LAMA2: variants seen among roughly 807,000 people sequenced by gnomAD.
LAMA2 encodes laminin subunit alpha 2, also known as laminin subunit alpha-2.
Under a neutral mutation model 364.8 loss-of-function variants are expected in LAMA2, and 269 were observed. That is an observed-to-expected ratio of 0.74 (90% CI 0.67 to 0.82). The LOEUF is 0.82. LAMA2 is among the 40% of genes least tolerant of loss of function. LAMA2 has a pLI of 0.00. For missense variants in LAMA2, 3,807 were observed against 3,873.2 expected (o/e 0.98, Z 0.45); for synonymous variants, 1,379 against 1,370.6 (o/e 1.01, Z -0.14).
chr6:129,308,933 C>A lies in LAMA2; in HGVS notation c.3175-3928C>A, dbSNP rs903656708. Among the ~76,000 whole-genome samples, 29 of 152,270 alleles carry A rather than the reference C, an allele frequency of 1.9e-4. 1 individual carries two copies. The highest frequency in any genetic ancestry group is 6.5e-4 in the African/African-American group (27 of 41,564). Reference sequence around the variant, plus strand: ...CATGGTCACAAGGACAGCACCAAGCCCTGAGGGATCAGCCCCCATGATCCA... The same window carrying A: ...CATGGTCACAAGGACAGCACCAAGCACTGAGGGATCAGCCCCCATGATCCA... On this transcript the variant is annotated intron_variant, in intron 22 of 64. Coordinates refer to ENST00000421865, the MANE Select transcript of LAMA2 (RefSeq NM_000426.4).
intron 12 of LAMA2, among the ~76,000 whole-genome samples, chr6:129,208,671 GAAAGAGAAGGAAAGAAAGAA>G (rs1782866757): frequency 9.2e-6 from 1 of 108,278 alleles, no homozygotes; most frequent in African/African-American, 4.4e-5. Flanking sequence ...GAAAGAAAGA[GAAAGAGAAGGAAAGAAAGAA>G]AAAGGAAGGA....
In LAMA2 at chr6:128,894,864, C is replaced by T. The variant is rs1490985773; in HGVS notation, c.112+11507C>T. On this transcript the variant is annotated intron_variant, in intron 1 of 64. Coordinates refer to ENST00000421865, the MANE Select transcript of LAMA2 (RefSeq NM_000426.4). ...GCTTTTGCACCATCAGTGCACATGT[C>T]AACACAATGAAAAGGCAGATAATAA... Among the ~76,000 whole-genome samples, 6 of 152,280 alleles carry T rather than the reference C, an allele frequency of 3.9e-5. No homozygotes were observed. The East Asian group carries it at 1.2e-3, about 29-fold the overall frequency.
Position 129,449,469 on chromosome 6 carries a change from T to G in LAMA2, c.6430-3519T>G, listed in dbSNP as rs188379481. On this transcript the variant is annotated intron_variant, in intron 45 of 64. Transcript: ENST00000421865. ...TAAGCCTTTTTAATAGTGGCATCAA[T>G]TCATTCATGAGGACAGAGCCCTCAT... Among the ~76,000 whole-genome samples the G allele has an allele frequency of 6.7e-4, 102 of 152,222 alleles. No homozygotes were observed. The East Asian group carries it at 0.016, about 25-fold the overall frequency.
chr6:129,330,928 ACG>A (rs1462448132), intron 29 of LAMA2, among the ~76,000 whole-genome samples: 3 of 151,182 alleles, frequency 2.0e-5, no homozygotes, highest in Non-Finnish European at 4.4e-5. Flanking sequence ...GAGTGCAGTG[ACG>A]CGATCTCAGC....
intron 1 of LAMA2, among the ~76,000 whole-genome samples, chr6:129,026,886 A>G (rs1192571637): frequency 6.6e-6 from 1 of 152,108 alleles, no homozygotes; most frequent in Non-Finnish European, 1.5e-5. Context: ...GTTCTCAGCC[A>G]TGGTATGTAG....
At chr6:128,997,746 G>C (rs1210834501) in intron 1 of LAMA2, among the ~76,000 whole-genome samples, 1 of 152,142 alleles carries the variant, frequency 6.6e-6, no homozygotes, top group Non-Finnish European at 1.5e-5. Flanking sequence ...AGTGAGCCAA[G>C]ATTGCACCAT....
intron 36 of LAMA2, among the ~76,000 whole-genome samples, chr6:129,392,662 A>G (rs1779384561): frequency 6.6e-6 from 1 of 152,202 alleles, no homozygotes; most frequent in Non-Finnish European, 1.5e-5. Context: ...AAACATAACA[A>G]TATTCATCAT....
chr6:129,181,101 TC>T (rs1562306920), intron 10 of LAMA2, among the ~76,000 whole-genome samples: 2 of 152,196 alleles, frequency 1.3e-5, no homozygotes, highest in Admixed American at 1.3e-4. Context: ...TAGGACCGAA[TC>T]CCCAAACCTG....
At chr6:129,348,786 T>C (rs9398900) in intron 30 of LAMA2, among the ~76,000 whole-genome samples, 57,662 of 152,066 alleles carry the variant, frequency 0.38, 12,662 homozygotes, top group Non-Finnish European at 0.49. Flanking sequence ...TTAGAAAAGA[T>C]ATTATTTTAT....
At chr6:129,466,629 T>C (rs140866273) in intron 51 of LAMA2, among the ~76,000 whole-genome samples, 7 of 152,082 alleles carry the variant, frequency 4.6e-5, no homozygotes, top group Non-Finnish European at 8.8e-5. Context: ...GTAAGAAGAA[T>C]GTTTAGCTGT....
chr6:129,268,371 C>CT (rs139912563), intron 16 of LAMA2, among the ~76,000 whole-genome samples: 8,339 of 152,040 alleles, frequency 0.055, 742 homozygotes, highest in African/African-American at 0.19. Context: ...CCTTTAAACA[C>CT]TTCACTAACA....
Position 129,473,304 on chromosome 6 carries a change from C to T in LAMA2, c.7391C>T (p.Ala2464Val), listed in dbSNP as rs755746372. 11 of 1,612,400 alleles carry T rather than the reference C, an allele frequency of 6.8e-6. No individual in the cohort carries two copies. The highest frequency in any genetic ancestry group is 6.7e-5 in the East Asian group (3 of 44,778). The change falls in exon 52 of 65, where the codon GCA becomes GTA. Residue 2464 changes from alanine (A) to valine (V), a missense_variant. Coordinates refer to ENST00000421865, the MANE Select transcript of LAMA2 (RefSeq NM_000426.4). ...AACAACTTTGGTCTTGACTTGAAAG[C>T]AGATGACAAAATATATTTTGGTGGC... ...SGNNFGLDLK[A>V]DDKIYFGGLP...
At chr6:129,112,215 A>C (rs910075353) in intron 4 of LAMA2, among the ~76,000 whole-genome samples, 6 of 151,926 alleles carry the variant, frequency 3.9e-5, no homozygotes, top group Non-Finnish European at 7.4e-5. Context: ...AAAATCCTCT[A>C]TTGCTTTTTA....
intron 3 of LAMA2, among the ~76,000 whole-genome samples, chr6:129,072,205 A>T (rs1397084077): frequency 6.6e-6 from 1 of 152,212 alleles, no homozygotes; most frequent in Non-Finnish European, 1.5e-5. Context: ...TTGCAGTACT[A>T]CAAATATATC....
Position 129,492,483 on chromosome 6 carries a change from TGTAA to T in LAMA2, c.8244+3_8244+6del, listed in dbSNP as rs746678525. 1.9e-5 allele frequency: 31 copies of T among 1,603,764 alleles called. No homozygotes were observed. Among genetic ancestry groups the T allele is most frequent in the Non-Finnish European group, 2.6e-5 (30 of 1,171,580 alleles). On this transcript the variant is annotated splice_donor_variant and splice_donor_region_variant and intron_variant, in intron 58 of 64. Coordinates refer to ENST00000421865, the MANE Select transcript of LAMA2 (RefSeq NM_000426.4). LOFTEE classifies it high-confidence loss of function. ...CTACGCCCACCCCAGTTCTGACACA[TGTAA>T]GTGTTTATATTATCCCCATTGCTTT... is the stretch of plus-strand genomic sequence containing the variant.
intron 1 of LAMA2, among the ~76,000 whole-genome samples, chr6:128,939,544 A>G (rs1272493931): frequency 6.6e-6 from 1 of 152,186 alleles, no homozygotes; most frequent in Non-Finnish European, 1.5e-5. Context: ...TAAAAGATTA[A>G]TTGCACAGAT....
rs573025256 is a variant in LAMA2, at chr6:129,345,879, A to T, written c.4436+3412A>T. ...GACCTATAAATTGTGAGAAGAGAAG[A>T]ATTAAAATGTGAAGCAAAGAAACCA... On this transcript the variant is annotated intron_variant, in intron 30 of 64. Coordinates refer to ENST00000421865, the MANE Select transcript of LAMA2 (RefSeq NM_000426.4). Among the ~76,000 whole-genome samples, 6 of 152,310 alleles carry T rather than the reference A, an allele frequency of 3.9e-5. No homozygotes were observed. In the South Asian group the frequency reaches 1.2e-3, roughly 32 times the overall value.
At position 129,402,595 on chromosome 6, in the gene LAMA2, A is replaced by G. The variant is rs191229132; in HGVS notation, c.5726+108A>G. Reference sequence around the variant, plus strand: ...TTTCAAATCCTGATTTCTGTTAATTATGAACACACTAGCTATATGGCCTTT... The same window carrying G: ...TTTCAAATCCTGATTTCTGTTAATTGTGAACACACTAGCTATATGGCCTTT... On this transcript the variant is annotated intron_variant, in intron 39 of 64. Coordinates refer to ENST00000421865, the MANE Select transcript of LAMA2 (RefSeq NM_000426.4). The G allele has an allele frequency of 7.1e-6, 8 of 1,124,596 alleles. No homozygotes were observed. In the Admixed American group the frequency reaches 7.8e-5, roughly 11 times the overall value. The allele number at this position is 1,124,596 out of a possible 1,614,324, so 69.7% of individuals were successfully genotyped here.
intron 2 of LAMA2, among the ~76,000 whole-genome samples, chr6:129,056,450 G>A (rs1788497935): frequency 1.3e-5 from 2 of 152,098 alleles, no homozygotes; most frequent in African/African-American, 4.8e-5. Flanking sequence ...TCTATGGACT[G>A]CTAACATGAT....
Sources: allele counts gnomAD v4.1 joint callset (sites outside exome capture counted in the v4.1 genomes callset), GRCh38; gene constraint gnomAD v4.1.1; transcripts MANE v1.5; gene names NCBI Gene and HGNC (gene_info 2026-07-23, HGNC 2026-07-21).